Variants in MBOAT2 observed in about 807,000 individuals in gnomAD.
The protein encoded by MBOAT2 is membrane bound glycerophospholipid O-acyltransferase 2.
A neutral mutation model predicts 63.4 loss-of-function variants in MBOAT2; 28 were observed. The ratio of observed to expected loss-of-function variants is 0.44; its 90% CI spans 0.33 to 0.61. MBOAT2 has a LOEUF of 0.61. Among genes scored for constraint, MBOAT2 ranks in the 20% least tolerant of loss-of-function variants. The pLI is 0.03. For missense variants in MBOAT2, 470 were observed against 605.8 expected (o/e 0.78, Z 2.35); for synonymous variants, 211 against 215.6 (o/e 0.98, Z 0.19).
At chr2:8,895,304 C>T (rs908387452) in intron 4 of MBOAT2, among the ~76,000 whole-genome samples, 1 of 152,150 alleles carries the variant, frequency 6.6e-6, no homozygotes, top group African/African-American at 2.4e-5. Flanking sequence ...GTCCATTTTA[C>T]AGAGTGCTAA....
intron 1 of MBOAT2, among the ~76,000 whole-genome samples, chr2:8,967,111 A>G (rs2103298438): frequency 6.6e-6 from 1 of 152,336 alleles, no homozygotes; most frequent in Non-Finnish European, 1.5e-5. Context: ...AAAGTTCCAA[A>G]AAGCAAGCAA....
chr2:8,908,549 A>T (rs1252686606), intron 4 of MBOAT2, 72 bp downstream of exon 4: 2 of 803,142 alleles, frequency 2.5e-6, no homozygotes, highest in Admixed American at 4.8e-5. Flanking sequence ...ACTAAATGCA[A>T]ATATATTTTG....
intron 6 of MBOAT2, among the ~76,000 whole-genome samples, chr2:8,880,176 G>A (rs1478926222): frequency 6.6e-6 from 1 of 151,978 alleles, no homozygotes; most frequent in African/African-American, 2.4e-5. Context: ...GGAGAAAATA[G>A]GGAAGCCAGG....
At position 8,856,212 on chromosome 2, in the gene MBOAT2, G is replaced by A. The variant is rs910029052; in HGVS notation, c.*2467C>T. 3 of 151,898 alleles carry A rather than the reference G, an allele frequency of 2.0e-5. No homozygotes were observed. The highest frequency in any genetic ancestry group is 2.0e-4 in the Admixed American group (3 of 15,230). The allele number at this position is 151,898 out of a possible 1,614,324, so 9.4% of individuals were successfully genotyped here. A position where few individuals can be genotyped will look rare whatever the true frequency, so the allele number is the denominator to read the frequency against. The stretch of plus-strand genomic sequence containing the variant: ...TGCCAAGATCATATTCACTGAGCAA[G>A]AAACAGGTAACAGTGACTAAGGTTT... On this transcript the variant is annotated 3_prime_UTR_variant, in exon 13 of 13. Transcript: ENST00000305997. The surrounding 1 kb of genome is among the most constrained non-coding windows in gnomAD (Gnocchi z 4.2).
At chr2:8,982,571 T>C (rs938331202) in intron 1 of MBOAT2, among the ~76,000 whole-genome samples, 3 of 152,212 alleles carry the variant, frequency 2.0e-5, no homozygotes, top group Non-Finnish European at 1.5e-5. Flanking sequence ...TCTTTGCTTC[T>C]ATGACACTGC....
chr2:8,963,490 G>A (rs921548725), intron 1 of MBOAT2, among the ~76,000 whole-genome samples: 1 of 152,020 alleles, frequency 6.6e-6, no homozygotes, highest in African/African-American at 2.4e-5. Context: ...TTTTAGTAGA[G>A]ATGGGGTTTC....
Position 8,915,528 on chromosome 2 carries a change from G to T in MBOAT2, c.300-6812C>A, listed in dbSNP as rs568047848. On this transcript the variant is annotated intron_variant, in intron 3 of 12. Coordinates refer to ENST00000305997, the MANE Select transcript of MBOAT2 (RefSeq NM_138799.4). ...TGAGAAAGAATTCTAGGTGGTGGGG[G>T]TTTTTTTGTTTTGTTTTGTTTTGTT... Among the ~76,000 whole-genome samples the T allele has an allele frequency of 8.5e-5, 13 of 152,156 alleles. No homozygotes were observed. The South Asian group carries it at 1.2e-3, about 15-fold the overall frequency.
intron 3 of MBOAT2, among the ~76,000 whole-genome samples, chr2:8,932,459 C>T (rs1381120579): frequency 6.6e-6 from 1 of 152,132 alleles, no homozygotes; most frequent in African/African-American, 2.4e-5. Context: ...CTCAATGGTG[C>T]CTGCTACTCT....
chr2:8,940,429 T>C (rs553098193), intron 3 of MBOAT2, among the ~76,000 whole-genome samples: 14 of 152,208 alleles, frequency 9.2e-5, no homozygotes, highest in African/African-American at 3.1e-4. Context: ...GTAGCTGGGA[T>C]TACAGGCATG....
chr2:8,933,374 G>A (rs1332629034), intron 3 of MBOAT2, among the ~76,000 whole-genome samples: 1 of 152,076 alleles, frequency 6.6e-6, no homozygotes, highest in Admixed American at 6.6e-5. Flanking sequence ...GCAGAAACAG[G>A]GTCTTGCTCT....
At chr2:8,915,254 A>G (rs929614715) in intron 3 of MBOAT2, among the ~76,000 whole-genome samples, 3 of 152,092 alleles carry the variant, frequency 2.0e-5, no homozygotes, top group Admixed American at 6.6e-5. Flanking sequence ...GTTTTAAATT[A>G]TATCTGTGGC....
intron 9 of MBOAT2, among the ~76,000 whole-genome samples, chr2:8,864,946 C>T (rs1661765131): frequency 6.6e-6 from 1 of 152,138 alleles, no homozygotes; most frequent in Non-Finnish European, 1.5e-5. Flanking sequence ...ATCTTCAATG[C>T]TTCTGTTTCT....
chr2:8,887,878 A>C, intron 5 of MBOAT2, 140 bp downstream of exon 5: 1 of 787,254 alleles, frequency 1.3e-6, no homozygotes, highest in Non-Finnish European at 2.2e-6. Context: ...TCATAATCCT[A>C]AGCACAGTTA....
At chr2:8,995,654 G>A (rs1229778272) in intron 1 of MBOAT2, among the ~76,000 whole-genome samples, 4 of 146,054 alleles carry the variant, frequency 2.7e-5, no homozygotes, top group East Asian at 4.0e-4. Flanking sequence ...GTAGTGGCAC[G>A]ATCTTGGCTC....
intron 2 of MBOAT2, among the ~76,000 whole-genome samples, chr2:8,956,304 C>G (rs1669218389): frequency 6.6e-6 from 1 of 152,182 alleles, no homozygotes; most frequent in Non-Finnish European, 1.5e-5. Context: ...AAAGAGTTAT[C>G]TTACACATGG....
At chr2:8,974,610 T>C (rs548859618) in intron 1 of MBOAT2, among the ~76,000 whole-genome samples, 2 of 152,138 alleles carry the variant, frequency 1.3e-5, no homozygotes, top group African/African-American at 2.4e-5. Context: ...CTGGAAACAA[T>C]GGCAGCCTCT....
intron 3 of MBOAT2, among the ~76,000 whole-genome samples, chr2:8,936,801 A>G (rs1226685664): frequency 9.2e-4 from 137 of 149,410 alleles, no homozygotes; most frequent in African/African-American, 2.6e-3. Flanking sequence ...AAAAAAAAAA[A>G]AAAAGAAAAG....
Position 8,943,241 on chromosome 2 carries a change from T to C in MBOAT2, c.245A>G (p.Gln82Arg). The change falls in exon 3 of 13, where the codon CAA becomes CGA. Residue 82 changes from glutamine to arginine, a missense_variant. By Grantham distance (43) the Gln-to-Arg change is conservative (BLOSUM62 1). Coordinates refer to ENST00000305997, the MANE Select transcript of MBOAT2 (RefSeq NM_138799.4). ...CATGATACAGTAGGAAATTCCACTT[T>C]GTACAAGAAAGTGTAAGGCATACCT... ...FGWYALHFLVQSGISYCIMII... is the reference protein window; with the variant it reads ...FGWYALHFLVRSGISYCIMII... 6.3e-7 allele frequency: 1 copy of C among 1,584,878 alleles called. No individual in the cohort carries two copies. Among genetic ancestry groups the C allele is most frequent in the Non-Finnish European group, 8.6e-7 (1 of 1,161,670 alleles).
intron 2 of MBOAT2, among the ~76,000 whole-genome samples, chr2:8,947,735 GAA>G: frequency 6.6e-6 from 1 of 151,872 alleles, no homozygotes; most frequent in Non-Finnish European, 1.5e-5. Context: ...CCATTGCTCA[GAA>G]AAAAAAGATT....
Sources: gnomAD v4.1 joint callset for allele counts (sites outside exome capture counted in the v4.1 genomes callset) on GRCh38, gnomAD v4.1.1 for gene constraint, Gnocchi (gnomAD v3.1) non-coding constraint, MANE v1.5 for transcripts, NCBI Gene and HGNC (gene_info 2026-07-23, HGNC 2026-07-21) for gene names.